OCA2: variants seen among roughly 807,000 people sequenced by gnomAD.
OCA2 encodes the protein OCA2 melanosomal transmembrane protein.
A neutral mutation model predicts 100.2 loss-of-function variants in OCA2; 77 were observed. The ratio of observed to expected loss-of-function variants is 0.77; its 90% CI spans 0.64 to 0.93. The LOEUF (loss-of-function observed/expected upper bound fraction) is 0.93, where lower values mean the gene tolerates loss of function less well. Among genes scored for constraint, OCA2 ranks in the 40% least tolerant of loss-of-function variants. The probability of loss-of-function intolerance (pLI) is 0.00; values close to 1 mark genes in which losing one functional copy is unlikely to be tolerated. For synonymous variants in OCA2, 432 were observed against 439.2 expected (o/e 0.98, Z 0.21); for missense variants, 1,062 against 1,089.1 (o/e 0.98, Z 0.35).
the OCA2 span, among the ~76,000 whole-genome samples, chr15:27,740,523 C>T: frequency 2.0e-5 from 3 of 152,112 alleles, no homozygotes; most frequent in Non-Finnish European, 2.9e-5. Flanking sequence ...GGTGACTTAA[C>T]CTAATTCATC....
At chr15:28,059,914 C>T (rs72712690) in intron 2 of OCA2, among the ~76,000 whole-genome samples, 9,765 of 152,296 alleles carry the variant, frequency 0.064, 353 homozygotes, top group Middle Eastern at 0.099. Flanking sequence ...TCTTTATGTA[C>T]ACATTCATTC....
At chr15:27,803,542 A>G (rs2033700811) in intron 23 of OCA2, among the ~76,000 whole-genome samples, 1 of 152,228 alleles carries the variant, frequency 6.6e-6, no homozygotes, top group South Asian at 2.1e-4. Flanking sequence ...TCAAGTTCAT[A>G]GGGACAGAAC....
At chr15:28,071,089 A>G (rs2044244903) in intron 2 of OCA2, among the ~76,000 whole-genome samples, 2 of 138,032 alleles carry the variant, frequency 1.4e-5, no homozygotes, top group Admixed American at 7.3e-5. Flanking sequence ...TTATCTGCTG[A>G]CCTTCCCTCC....
intron 23 of OCA2, among the ~76,000 whole-genome samples, chr15:27,804,815 C>T (rs2033759465): frequency 6.6e-6 from 1 of 152,220 alleles, no homozygotes; most frequent in South Asian, 2.1e-4. Context: ...CTGCAGCCTA[C>T]GGCCCCAGTC....
the OCA2 span, among the ~76,000 whole-genome samples, chr15:27,726,912 C>T: frequency 3.3e-5 from 5 of 152,310 alleles, no homozygotes; most frequent in African/African-American, 7.2e-5. Context: ...GTGAAGAGTG[C>T]GCCTCCTGAA....
At position 27,858,388 on chromosome 15, in the gene OCA2, G is replaced by GAAAAAAAAA. The variant is rs200488887; in HGVS notation, c.2245-6922_2245-6914dup. On this transcript the variant is annotated intron_variant, in intron 21 of 23. Coordinates refer to ENST00000354638, the MANE Select transcript of OCA2 (RefSeq NM_000275.3). ...AACTCTGCCTCCAAAAAGAAAGAAA[G>GAAAAAAAAA]AAAAAAAAAAAAAAAAACAGAAATT... Among the ~76,000 whole-genome samples, 28 of 49,352 alleles carry GAAAAAAAAA rather than the reference G, an allele frequency of 5.7e-4. 1 individual carries two copies. The highest frequency in any genetic ancestry group is 6.8e-4 in the East Asian group (1 of 1,468). 32.4% of individuals were successfully genotyped at this position (49,352 alleles called of 152,430 possible).
chr15:27,957,290 G>A lies in OCA2; in HGVS notation c.1784+298C>T, dbSNP rs2040254093. 2.0e-5 allele frequency among the ~76,000 whole-genome samples: 3 copies of A among 152,162 alleles called. No individual in the cohort carries two copies. The highest frequency in any genetic ancestry group is 4.4e-5 in the Non-Finnish European group (3 of 68,040). Reference sequence around the variant, plus strand: ...CAATGTAGAGAGATGGGACAGCCCAGCGGTTGACAGTGAGAGCCCCATCCC... The same window carrying A: ...CAATGTAGAGAGATGGGACAGCCCAACGGTTGACAGTGAGAGCCCCATCCC... On this transcript the variant is annotated intron_variant, in intron 16 of 23. Coordinates refer to ENST00000354638, the MANE Select transcript of OCA2 (RefSeq NM_000275.3). The surrounding 1 kb of genome is among the most constrained non-coding windows in gnomAD (Gnocchi z 4.3).
the OCA2 span, among the ~76,000 whole-genome samples, chr15:27,733,931 G>A: frequency 6.6e-6 from 1 of 150,752 alleles, no homozygotes; most frequent in South Asian, 2.1e-4. Context: ...AGAGGCCATG[G>A]TGGGAGTACC....
At chr15:28,058,965 A>T (rs1053791569) in intron 2 of OCA2, among the ~76,000 whole-genome samples, 1 of 152,146 alleles carries the variant, frequency 6.6e-6, no homozygotes, top group African/African-American at 2.4e-5. Context: ...GCAGATGAGG[A>T]CAGCTCTGGT....
At chr15:28,073,170 T>G (rs2141818791) in intron 2 of OCA2, among the ~76,000 whole-genome samples, 1 of 152,250 alleles carries the variant, frequency 6.6e-6, no homozygotes, top group East Asian at 1.9e-4. Context: ...TCCCAGCACT[T>G]TGGGAGGCGG....
intron 1 of OCA2, among the ~76,000 whole-genome samples, chr15:28,094,142 C>A (rs1366991610): frequency 6.6e-6 from 1 of 152,166 alleles, no homozygotes; most frequent in Non-Finnish European, 1.5e-5. Flanking sequence ...CCCCAACACC[C>A]TAGCACACAG....
intron 19 of OCA2, among the ~76,000 whole-genome samples, chr15:27,890,474 C>T (rs79475457): frequency 0.016 from 2,402 of 152,248 alleles, 55 homozygotes; most frequent in African/African-American, 0.05. Flanking sequence ...AAGTACTATG[C>T]GTTACCTACA....
chr15:27,997,658 C>T (rs1435802503), intron 9 of OCA2, among the ~76,000 whole-genome samples: 6 of 133,538 alleles, frequency 4.5e-5, no homozygotes, highest in South Asian at 2.3e-4. Flanking sequence ...CTTGGCGATG[C>T]GGGCTCTTTT....
At chr15:28,075,391 A>G (rs2044398934) in intron 2 of OCA2, among the ~76,000 whole-genome samples, 1 of 152,252 alleles carries the variant, frequency 6.6e-6, no homozygotes, top group Non-Finnish European at 1.5e-5. Flanking sequence ...AATACTTATT[A>G]AAATGGCTAA....
At chr15:27,888,291 C>T (rs1449220010) in intron 19 of OCA2, among the ~76,000 whole-genome samples, 1 of 152,196 alleles carries the variant, frequency 6.6e-6, no homozygotes, top group Non-Finnish European at 1.5e-5. Context: ...TAGTCTATAA[C>T]CTGTGTGCTA....
intron 3 of OCA2, among the ~76,000 whole-genome samples, chr15:28,031,522 C>T (rs568345502): frequency 6.6e-6 from 1 of 152,358 alleles, no homozygotes; most frequent in Admixed American, 6.5e-5. Flanking sequence ...TCAGGCAATT[C>T]CAGAACCACC....
At chr15:27,772,490 A>G (rs567816318) in intron 23 of OCA2, among the ~76,000 whole-genome samples, 1 of 152,326 alleles carries the variant, frequency 6.6e-6, no homozygotes, top group South Asian at 2.1e-4. Flanking sequence ...CTGGCTTAAT[A>G]TATGATGAAT....
At chr15:27,933,489 C>A (rs1283758592) in intron 18 of OCA2, among the ~76,000 whole-genome samples, 2 of 152,134 alleles carry the variant, frequency 1.3e-5, no homozygotes, top group Non-Finnish European at 2.9e-5. Flanking sequence ...TATGAAGAGA[C>A]CACCAAACAG....
chr15:27,723,133 G>A, the OCA2 span, among the ~76,000 whole-genome samples: 3 of 151,998 alleles, frequency 2.0e-5, no homozygotes, highest in Admixed American at 6.5e-5. Flanking sequence ...ATAAGCCACC[G>A]CGCCTGGCCC....
Sources: allele counts gnomAD v4.1 joint callset (sites outside exome capture counted in the v4.1 genomes callset), GRCh38; gene constraint gnomAD v4.1.1; non-coding constraint Gnocchi (gnomAD v3.1); transcripts MANE v1.5; gene names NCBI Gene and HGNC (gene_info 2026-07-23, HGNC 2026-07-21).